Variants in DYNC1I1 observed in about 807,000 individuals in gnomAD.
The protein encoded by DYNC1I1 is cytoplasmic dynein 1 intermediate chain 1.
Under a neutral mutation model 86.6 loss-of-function variants are expected in DYNC1I1, and 43 were observed. The observed-to-expected ratio is 0.50, with a 90% CI of 0.39 to 0.64. The LOEUF (loss-of-function observed/expected upper bound fraction) is 0.64, where lower values mean the gene tolerates loss of function less well. Among genes scored for constraint, DYNC1I1 ranks in the 30% least tolerant of loss-of-function variants. DYNC1I1 has a pLI of 0.00. For synonymous variants in DYNC1I1, 262 were observed against 283.7 expected (o/e 0.92, Z 0.77); for missense variants, 604 against 788.8 (o/e 0.77, Z 2.81).
At chr7:95,950,834 C>G (rs1393901373) in intron 6 of DYNC1I1, among the ~76,000 whole-genome samples, 1 of 152,132 alleles carries the variant, frequency 6.6e-6, no homozygotes, top group Admixed American at 6.5e-5. Context: ...ATAAAGATCA[C>G]AAAAATTAGC....
chr7:95,830,790 T>C (rs571332884), intron 5 of DYNC1I1, among the ~76,000 whole-genome samples: 18 of 152,290 alleles, frequency 1.2e-4, no homozygotes, highest in African/African-American at 4.3e-4. Flanking sequence ...CAAACTGTTT[T>C]CAAAATGGTT....
At chr7:95,817,796 A>G (rs1288671653) in intron 4 of DYNC1I1, among the ~76,000 whole-genome samples, 1 of 152,224 alleles carries the variant, frequency 6.6e-6, no homozygotes, top group Non-Finnish European at 1.5e-5. Flanking sequence ...AATCGATCTA[A>G]GTGAAAATCA....
At chr7:95,915,819 A>G (rs940443959) in intron 6 of DYNC1I1, among the ~76,000 whole-genome samples, 1 of 152,248 alleles carries the variant, frequency 6.6e-6, no homozygotes, top group Non-Finnish European at 1.5e-5. Context: ...CTTTCCAGTT[A>G]GGTTAGGATA....
chr7:96,081,806 T>C (rs1312727819), intron 16 of DYNC1I1, among the ~76,000 whole-genome samples: 5 of 152,184 alleles, frequency 3.3e-5, no homozygotes, highest in Admixed American at 2.0e-4. Flanking sequence ...TATGGTATAG[T>C]TGATTATGTT....
intron 6 of DYNC1I1, among the ~76,000 whole-genome samples, chr7:95,949,815 A>G (rs1236295773): frequency 1.3e-5 from 2 of 152,190 alleles, no homozygotes. Context: ...AAAAAGCAAC[A>G]TCCATCATAA....
chr7:96,030,748 G>A (rs1003544168), intron 11 of DYNC1I1, among the ~76,000 whole-genome samples: 1 of 152,036 alleles, frequency 6.6e-6, no homozygotes, highest in African/African-American at 2.4e-5. Flanking sequence ...GTGAAAATTT[G>A]TTACATCCAA....
intron 6 of DYNC1I1, among the ~76,000 whole-genome samples, chr7:95,872,972 T>G (rs1211578788): frequency 2.0e-5 from 3 of 152,156 alleles, no homozygotes; most frequent in Non-Finnish European, 2.9e-5. Context: ...AGAAATGCTG[T>G]TGAACGACAA....
chr7:95,794,774 C>G (rs1470847915), intron 1 of DYNC1I1, among the ~76,000 whole-genome samples: 1 of 152,128 alleles, frequency 6.6e-6, no homozygotes, highest in South Asian at 2.1e-4. Context: ...TATGTAGACA[C>G]AACAGTCTTA....
chr7:95,938,759 T>G (rs1792118180), intron 6 of DYNC1I1, among the ~76,000 whole-genome samples: 1 of 152,112 alleles, frequency 6.6e-6, no homozygotes, highest in South Asian at 2.1e-4. Flanking sequence ...TGGGGTGGGA[T>G]GTAGGTAGTG....
chr7:95,999,559 AG>A (rs1793958346), intron 10 of DYNC1I1, among the ~76,000 whole-genome samples: 1 of 152,166 alleles, frequency 6.6e-6, no homozygotes, highest in African/African-American at 2.4e-5. Flanking sequence ...GATTCTATAA[AG>A]GGTACAGATG....
At chr7:96,023,112 T>C (rs757571028) in intron 10 of DYNC1I1, among the ~76,000 whole-genome samples, 2 of 152,124 alleles carry the variant, frequency 1.3e-5, no homozygotes, top group African/African-American at 2.4e-5. Flanking sequence ...CAGAAATAGC[T>C]ACTAGTTCAC....
chr7:96,042,208 G>C (rs977833705), intron 14 of DYNC1I1, among the ~76,000 whole-genome samples: 2 of 152,092 alleles, frequency 1.3e-5, no homozygotes, highest in African/African-American at 4.8e-5. Flanking sequence ...TACTATGTTG[G>C]TGTCATTGAG....
At chr7:95,821,902 C>G (rs563585210) in intron 4 of DYNC1I1, among the ~76,000 whole-genome samples, 1 of 152,322 alleles carries the variant, frequency 6.6e-6, no homozygotes, top group South Asian at 2.1e-4. Context: ...AATTTGTTAA[C>G]TACTGCCTTC....
At chr7:95,876,122 C>T (rs1790303430) in intron 6 of DYNC1I1, among the ~76,000 whole-genome samples, 4 of 150,864 alleles carry the variant, frequency 2.7e-5, no homozygotes, top group Non-Finnish European at 5.9e-5. Flanking sequence ...TTTTCAGATT[C>T]CCAAAAAAGG....
At chr7:96,071,834 G>A (rs1349525891) in intron 14 of DYNC1I1, among the ~76,000 whole-genome samples, 1 of 152,158 alleles carries the variant, frequency 6.6e-6, no homozygotes, top group Non-Finnish European at 1.5e-5. Flanking sequence ...AGTAAATATT[G>A]ATGGAATTGA....
At chr7:95,943,660 T>G (rs886122074) in intron 6 of DYNC1I1, among the ~76,000 whole-genome samples, 6 of 148,638 alleles carry the variant, frequency 4.0e-5, no homozygotes, top group Admixed American at 1.4e-4. Flanking sequence ...AGCATGGTAC[T>G]GGCACCAAAA....
In DYNC1I1 at chr7:95,802,383, G is replaced by A. The variant is rs77219412; in HGVS notation, c.-9-2338G>A. On this transcript the variant is annotated intron_variant, in intron 1 of 16. Coordinates refer to ENST00000447467, the MANE Select transcript of DYNC1I1 (RefSeq NM_001135556.2). ...ATTCTCTACTTCTGTCTCCACATTC[G>A]CCTACCATTCCCGTACAGGTACAGT... Among the ~76,000 whole-genome samples, 663 of 152,118 alleles carry A rather than the reference G, an allele frequency of 4.4e-3. 5 individuals carry two copies. Among genetic ancestry groups the A allele is most frequent in the African/African-American group, 0.014 (587 of 41,478 alleles).
rs186646695 is a variant in DYNC1I1 at position 95,815,612 on chromosome 7, T to C, written c.314+2275T>C. 7.2e-3 allele frequency among the ~76,000 whole-genome samples: 1,100 copies of C among 152,302 alleles called. 7 individuals carry two copies. The highest frequency in any genetic ancestry group is 0.027 in the Middle Eastern group (8 of 294). ...GTTTTTTTAAATTCCACTTTGAATG[T>C]CTTTTTATGTAGAAGACACATCTTT... On this transcript the variant is annotated intron_variant, in intron 4 of 16. Coordinates refer to ENST00000447467, the MANE Select transcript of DYNC1I1 (RefSeq NM_001135556.2).
At chr7:95,822,902 G>T (rs1393942031) in intron 4 of DYNC1I1, among the ~76,000 whole-genome samples, 2 of 152,152 alleles carry the variant, frequency 1.3e-5, no homozygotes, top group African/African-American at 4.8e-5. Context: ...GGGGAGACTT[G>T]GGTAGCAGTG....
Sources: gnomAD v4.1 joint callset for allele counts (sites outside exome capture counted in the v4.1 genomes callset) on GRCh38, gnomAD v4.1.1 for gene constraint, MANE v1.5 for transcripts, NCBI Gene and HGNC (gene_info 2026-07-23, HGNC 2026-07-21) for gene names.